Variants in EPB41L4A observed in about 807,000 individuals in gnomAD.
The protein encoded by EPB41L4A is erythrocyte membrane protein band 4.1 like 4A, also known as band 4.1-like protein 4A.
EPB41L4A carries 100 observed loss-of-function variants against 108.6 expected under a neutral mutation model. The ratio of observed to expected loss-of-function variants is 0.92; its 90% CI spans 0.78 to 1.09. The LOEUF (loss-of-function observed/expected upper bound fraction) is 1.09. EPB41L4A is among the 50% of genes least tolerant of loss of function. The pLI, the probability that EPB41L4A is intolerant of heterozygous loss-of-function variation, is 0.00. For missense variants in EPB41L4A, 1,030 were observed against 842.7 expected (o/e 1.22, Z -2.75); for synonymous variants, 319 against 289.0 (o/e 1.10, Z -1.05).
At chr5:112,223,186 C>T (rs1225180378) in intron 12 of EPB41L4A, among the ~76,000 whole-genome samples, 4 of 152,026 alleles carry the variant, frequency 2.6e-5, no homozygotes, top group Admixed American at 6.6e-5. Flanking sequence ...GTGATCTGCC[C>T]GCCTTGGCCT....
At chr5:112,157,539 G>GA (rs2112825129) in intron 12 of EPB41L4A, among the ~76,000 whole-genome samples, 1 of 152,310 alleles carries the variant, frequency 6.6e-6, no homozygotes, top group South Asian at 2.1e-4. Context: ...GCTGTCAGCT[G>GA]AGGGTTATTC....
In EPB41L4A at chr5:112,375,895, C is replaced by A. The variant is rs140780937; in HGVS notation, c.99+43046G>T. On this transcript the variant is annotated intron_variant, in intron 1 of 22. Coordinates refer to ENST00000261486, the MANE Select transcript of EPB41L4A (RefSeq NM_022140.5). ...GACAAGAATCCTTAGAGAGGAGCAA[C>A]ATCCCTGGGGAGTGAATGACTGACA... 1.2e-4 allele frequency among the ~76,000 whole-genome samples: 18 copies of A among 152,312 alleles called. No individual in the cohort carries two copies. In the East Asian group the frequency reaches 3.5e-3, roughly 29 times the overall value.
chr5:112,223,571 C>T (rs1334333868), intron 12 of EPB41L4A, among the ~76,000 whole-genome samples: 1 of 152,092 alleles, frequency 6.6e-6, no homozygotes, highest in African/African-American at 2.4e-5. Context: ...CTGTCAAGAA[C>T]AGGAGGGGTA....
chr5:112,353,880 G>C (rs765010945), intron 1 of EPB41L4A, among the ~76,000 whole-genome samples: 5 of 152,160 alleles, frequency 3.3e-5, no homozygotes, highest in Non-Finnish European at 5.9e-5. Flanking sequence ...GCATAGTTGT[G>C]TTTGGGCACT....
At chr5:112,265,038 G>T in intron 5 of EPB41L4A, 22 bp from the exon 6 acceptor site, 2 of 1,534,938 alleles carry the variant, frequency 1.3e-6, no homozygotes, top group South Asian at 2.6e-5. Context: ...AGATAACATA[G>T]TTTTTTCCAT....
intron 18 of EPB41L4A, among the ~76,000 whole-genome samples, chr5:112,181,165 CAT>C (rs1561454535): frequency 6.6e-6 from 1 of 152,108 alleles, no homozygotes; most frequent in Non-Finnish European, 1.5e-5. Context: ...TAAAATTAAA[CAT>C]GTGGCCGGGC....
intron 2 of EPB41L4A, among the ~76,000 whole-genome samples, chr5:112,305,486 G>T (rs1236112397): frequency 6.6e-6 from 1 of 152,048 alleles, no homozygotes; most frequent in Non-Finnish European, 1.5e-5. Flanking sequence ...TTAAGACAAT[G>T]ATTTTTTAAC....
intron 6 of EPB41L4A, among the ~76,000 whole-genome samples, chr5:112,263,094 T>G (rs6887281): frequency 0.35 from 53,751 of 152,074 alleles, 9,700 homozygotes; most frequent in African/African-American, 0.38. Context: ...TTGTAAAAAA[T>G]GCTTGTCATT....
At position 112,231,507 on chromosome 5, in the gene EPB41L4A, C is replaced by T. The variant is rs377266318; in HGVS notation, c.1087+3127G>A. On this transcript the variant is annotated intron_variant, in intron 12 of 22. Transcript: ENST00000261486. ...CACATTTTAAAAAGATCCACCTGGC[C>T]GGGCGCGGTGGCTCACGCCTGTAAT... Among the ~76,000 whole-genome samples, 90 of 152,106 alleles carry T rather than the reference C, an allele frequency of 5.9e-4. No individual in the cohort carries two copies. In the East Asian group the frequency reaches 0.016, roughly 27 times the overall value.
At chr5:112,311,033 A>C (rs1168718619) in intron 1 of EPB41L4A, among the ~76,000 whole-genome samples, 2 of 152,096 alleles carry the variant, frequency 1.3e-5, no homozygotes, top group Non-Finnish European at 2.9e-5. Flanking sequence ...TTTTCCTGAG[A>C]CAGGGTCTCA....
intron 1 of EPB41L4A, among the ~76,000 whole-genome samples, chr5:112,396,896 C>A (rs553834655): frequency 6.6e-6 from 1 of 152,152 alleles, no homozygotes; most frequent in South Asian, 2.1e-4. Context: ...CTGCAATGAC[C>A]AACATGGTGC....
intron 17 of EPB41L4A, among the ~76,000 whole-genome samples, chr5:112,192,960 A>C (rs1215543924): frequency 6.6e-6 from 1 of 152,224 alleles, no homozygotes; most frequent in African/African-American, 2.4e-5. Context: ...TTGTTTGCGC[A>C]GAAATACTGA....
chr5:112,224,462 C>T (rs1316800297), intron 12 of EPB41L4A, among the ~76,000 whole-genome samples: 1 of 151,982 alleles, frequency 6.6e-6, no homozygotes, highest in East Asian at 1.9e-4. Context: ...ACTCTGTGGG[C>T]AGGTAAGTCA....
chr5:112,403,638 C>T (rs1438578242), intron 1 of EPB41L4A, among the ~76,000 whole-genome samples: 5 of 152,064 alleles, frequency 3.3e-5, no homozygotes, highest in Non-Finnish European at 4.4e-5. Context: ...TGGCTAATTA[C>T]TTTTATTTTG....
chr5:112,307,009 C>A (rs11743178), intron 2 of EPB41L4A, among the ~76,000 whole-genome samples: 25,397 of 152,018 alleles, frequency 0.17, 2,409 homozygotes, highest in East Asian at 0.24. Flanking sequence ...TAACCATTCC[C>A]TTTCTTAAAA....
At chr5:112,317,169 T>A (rs1323768595) in intron 1 of EPB41L4A, among the ~76,000 whole-genome samples, 1 of 152,226 alleles carries the variant, frequency 6.6e-6, no homozygotes, top group Non-Finnish European at 1.5e-5. Context: ...ACCTACCACA[T>A]CTTTTTTTTC....
At chr5:112,266,372 T>C in intron 4 of EPB41L4A, 42 bp from the exon 5 acceptor site, 8 of 1,390,332 alleles carry the variant, frequency 5.8e-6, no homozygotes, top group Non-Finnish European at 7.9e-6. Context: ...TCTCTTACAC[T>C]ACTCAAACCT....
chr5:112,192,786 A>G (rs75186276), intron 17 of EPB41L4A, among the ~76,000 whole-genome samples: 7,797 of 152,196 alleles, frequency 0.051, 517 homozygotes, highest in African/African-American at 0.15. Flanking sequence ...AAAATGTTTT[A>G]TTTTATTTAT....
At chr5:112,345,370 G>T (rs1301601575) in intron 1 of EPB41L4A, among the ~76,000 whole-genome samples, 1 of 152,184 alleles carries the variant, frequency 6.6e-6, no homozygotes, top group East Asian at 1.9e-4. Flanking sequence ...TACAGTGGCT[G>T]TTACATACCA....
Sources: gnomAD v4.1 joint callset for allele counts (sites outside exome capture counted in the v4.1 genomes callset) on GRCh38, gnomAD v4.1.1 for gene constraint, MANE v1.5 for transcripts, NCBI Gene and HGNC (gene_info 2026-07-23, HGNC 2026-07-21) for gene names.